The following RAVER2 variants were observed in gnomAD, a reference collection of about 807,000 sequenced individuals.
RAVER2 encodes ribonucleoprotein PTB-binding 2.
In RAVER2, 46 loss-of-function variants were observed where a neutral mutation model predicts 78.1. The ratio of observed to expected loss-of-function variants is 0.59; its 90% CI spans 0.46 to 0.75. The LOEUF (loss-of-function observed/expected upper bound fraction) is 0.75. Ranked by LOEUF, RAVER2 falls within the 30% of genes least tolerant of loss-of-function variation. The pLI is 0.00. For missense variants in RAVER2, 793 were observed against 837.5 expected (o/e 0.95, Z 0.66); for synonymous variants, 311 against 313.3 (o/e 0.99, Z 0.08).
chr1:64,779,956 T>C (rs908498878), intron 3 of RAVER2, among the ~76,000 whole-genome samples: 2 of 152,062 alleles, frequency 1.3e-5, no homozygotes, highest in African/African-American at 4.8e-5. Flanking sequence ...GCTCTCATAT[T>C]GAACTGAAAT....
At chr1:64,804,872 G>C in intron 7 of RAVER2, 34 bp downstream of exon 7, 1 of 1,513,032 alleles carries the variant, frequency 6.6e-7, no homozygotes, top group Non-Finnish European at 9.1e-7. Flanking sequence ...TTTAAAATCA[G>C]TTCATTTCTT....
intron 3 of RAVER2, among the ~76,000 whole-genome samples, chr1:64,780,410 G>T (rs185096002): frequency 3.3e-4 from 50 of 152,254 alleles, no homozygotes; most frequent in African/African-American, 1.2e-3. Context: ...AAGAAGTAAT[G>T]TGAAGGAAAA....
intron 11 of RAVER2, among the ~76,000 whole-genome samples, chr1:64,830,025 A>G (rs1451466927): frequency 6.6e-6 from 1 of 152,198 alleles, no homozygotes. Flanking sequence ...TGCAGTTTTA[A>G]TTGCAACGTG....
chr1:64,792,629 A>C (rs1557596637), intron 5 of RAVER2, among the ~76,000 whole-genome samples: 3 of 152,224 alleles, frequency 2.0e-5, no homozygotes, highest in African/African-American at 7.2e-5. Flanking sequence ...AGATGTTTGA[A>C]TATTACACTG....
chr1:64,748,480 C>G (rs1651605296), intron 1 of RAVER2, among the ~76,000 whole-genome samples: 1 of 152,222 alleles, frequency 6.6e-6, no homozygotes, highest in South Asian at 2.1e-4. Flanking sequence ...CACGTCCTCT[C>G]AAACTTTTCC....
rs61411897 is a variant in RAVER2, at chr1:64,812,362, CA to C, written c.1681-355del. 5.9e-3 allele frequency among the ~76,000 whole-genome samples: 411 copies of C among 70,030 alleles called. 1 individual carries two copies. The highest frequency in any genetic ancestry group is 8.3e-3 in the South Asian group (15 of 1,812). The allele number at this position is 70,030 out of a possible 152,430, so 45.9% of individuals were successfully genotyped here. Reference sequence around the variant, plus strand: ...GGGCAATAGAGTGAGATTCCATCTCCAAAAAAAAAAAAAAAAAAAAATAGGT... The same window carrying C: ...GGGCAATAGAGTGAGATTCCATCTCCAAAAAAAAAAAAAAAAAAAATAGGT... On this transcript the variant is annotated intron_variant, in intron 9 of 11. Transcript: ENST00000294428.
In RAVER2 at chr1:64,827,198, G is replaced by T. The variant is rs72920114; in HGVS notation, c.1930-3641G>T. Among the ~76,000 whole-genome samples, 338 of 152,300 alleles carry T rather than the reference G, an allele frequency of 2.2e-3. 1 individual carries two copies. Among genetic ancestry groups the T allele is most frequent in the African/African-American group, 7.9e-3 (327 of 41,554 alleles). ...AGGGGTTAGTCACTGTGCGTCTTAAGATTTCTCTTTCGATTTTGTTTTCTT... is the reference window on the plus strand; with the variant it reads ...AGGGGTTAGTCACTGTGCGTCTTAATATTTCTCTTTCGATTTTGTTTTCTT... On this transcript the variant is annotated intron_variant, in intron 11 of 11. Transcript: ENST00000294428.
At chr1:64,756,821 C>G (rs1651867427) in intron 1 of RAVER2, among the ~76,000 whole-genome samples, 1 of 152,132 alleles carries the variant, frequency 6.6e-6, no homozygotes. Flanking sequence ...TTCTTGTTGT[C>G]TATGACCCTG....
chr1:64,802,822 A>G (rs1442074649), intron 5 of RAVER2, among the ~76,000 whole-genome samples, 154 bp from the exon 6 acceptor site: 1 of 152,224 alleles, frequency 6.6e-6, no homozygotes, highest in Non-Finnish European at 1.5e-5. Flanking sequence ...GGTACCTATC[A>G]CTTTTGACCA....
chr1:64,747,290 A>G (rs1295312962), intron 1 of RAVER2, among the ~76,000 whole-genome samples: 1 of 152,172 alleles, frequency 6.6e-6, no homozygotes, highest in Non-Finnish European at 1.5e-5. Context: ...CTTAGTGACT[A>G]TATTTTACTG....
intron 11 of RAVER2, among the ~76,000 whole-genome samples, chr1:64,818,870 C>G (rs767301258): frequency 3.3e-5 from 5 of 152,160 alleles, no homozygotes; most frequent in Admixed American, 6.5e-5. Context: ...ATACTGTTGG[C>G]TGGCCCCTAA....
At chr1:64,777,756 C>T in exon 3 of RAVER2, 2 of 1,613,998 alleles carry the variant, frequency 1.2e-6, no homozygotes, top group Non-Finnish European at 1.7e-6. Context: ...CCAACGTGCC[C>T]ATTTCTTTTA....
At chr1:64,824,185 C>T (rs570129379) in intron 11 of RAVER2, among the ~76,000 whole-genome samples, 3 of 152,284 alleles carry the variant, frequency 2.0e-5, no homozygotes, top group South Asian at 2.1e-4. Context: ...TCTACTTGCA[C>T]GGTGTGTTCT....
intron 1 of RAVER2, among the ~76,000 whole-genome samples, chr1:64,755,636 G>A (rs1651830501): frequency 6.7e-6 from 1 of 149,870 alleles, no homozygotes; most frequent in Admixed American, 6.7e-5. Flanking sequence ...TTTATTTCCT[G>A]GACTTTGGAT....
At chr1:64,824,494 A>C (rs999065940) in intron 11 of RAVER2, among the ~76,000 whole-genome samples, 1 of 152,234 alleles carries the variant, frequency 6.6e-6, no homozygotes, top group African/African-American at 2.4e-5. Context: ...ACCATACAAA[A>C]TATGTTTTAA....
At chr1:64,756,586 A>G (rs1164403807) in intron 1 of RAVER2, among the ~76,000 whole-genome samples, 2 of 152,158 alleles carry the variant, frequency 1.3e-5, no homozygotes, top group Non-Finnish European at 2.9e-5. Context: ...TAGAGTTCCC[A>G]TGTATCCCTT....
intron 11 of RAVER2, among the ~76,000 whole-genome samples, chr1:64,820,159 G>A (rs988348940): frequency 2.6e-5 from 4 of 152,040 alleles, no homozygotes; most frequent in East Asian, 1.9e-4. Flanking sequence ...GTTGTGGAAC[G>A]CATATTGTAA....
chr1:64,808,185 A>G (rs894033118), intron 9 of RAVER2, among the ~76,000 whole-genome samples: 2 of 152,194 alleles, frequency 1.3e-5, no homozygotes, highest in African/African-American at 4.8e-5. Context: ...TGGCTAAAAT[A>G]CCACTGATAT....
chr1:64,768,117 TG>T (rs1194953592), intron 1 of RAVER2, among the ~76,000 whole-genome samples: 1 of 152,026 alleles, frequency 6.6e-6, no homozygotes, highest in Non-Finnish European at 1.5e-5. Flanking sequence ...TTTCTACGTT[TG>T]TGCTCTAAGC....
Sources: allele counts gnomAD v4.1 joint callset (sites outside exome capture counted in the v4.1 genomes callset), GRCh38; gene constraint gnomAD v4.1.1; transcripts MANE v1.5; gene names NCBI Gene and HGNC (gene_info 2026-07-23, HGNC 2026-07-21).